SORCS1: variants seen among roughly 807,000 people sequenced by gnomAD.
SORCS1 encodes the protein VPS10 domain-containing receptor SorCS1.
SORCS1 carries 60 observed loss-of-function variants against 146.1 expected under a neutral mutation model. The observed-to-expected ratio is 0.41, with a 90% confidence interval of 0.33 to 0.51. The LOEUF (loss-of-function observed/expected upper bound fraction) is 0.51. SORCS1 is among the 20% of genes least tolerant of loss of function. The probability of loss-of-function intolerance (pLI) is 0.21; values close to 1 mark genes in which losing one functional copy is unlikely to be tolerated. For synonymous variants in SORCS1, 637 were observed against 584.0 expected, an observed-to-expected ratio of 1.09 and a Z score of -1.31; for missense variants, 1,352 against 1,487.6, an observed-to-expected ratio of 0.91 and a Z score of 1.50.
At chr10:107,017,885 T>C (rs933945094) in intron 1 of SORCS1, among the ~76,000 whole-genome samples, 11 of 152,166 alleles carry the variant, frequency 7.2e-5, no homozygotes, top group East Asian at 3.9e-4. Flanking sequence ...AGGCTAGTCT[T>C]GAACTCCTGA....
intron 21 of SORCS1, among the ~76,000 whole-genome samples, chr10:106,614,431 T>C (rs1847217818): frequency 6.6e-6 from 1 of 152,202 alleles, no homozygotes; most frequent in Admixed American, 6.5e-5. Flanking sequence ...TTCGTGGCAG[T>C]TAATATATTC....
chr10:106,611,640 GTCC>G (rs1179016792), intron 22 of SORCS1, among the ~76,000 whole-genome samples: 3 of 152,162 alleles, frequency 2.0e-5, no homozygotes, highest in African/African-American at 4.8e-5. Flanking sequence ...GGATGTACTT[GTCC>G]TCCTTCTCTA....
At chr10:106,760,635 C>A (rs1331705488) in intron 5 of SORCS1, among the ~76,000 whole-genome samples, 1 of 151,734 alleles carries the variant, frequency 6.6e-6, no homozygotes, top group East Asian at 1.9e-4. Context: ...TTGTTTAAGC[C>A]ACCCAGTCTA....
intron 2 of SORCS1, among the ~76,000 whole-genome samples, chr10:106,873,041 G>A (rs541136916): frequency 6.6e-6 from 1 of 152,222 alleles, no homozygotes; most frequent in Admixed American, 6.5e-5. Flanking sequence ...AGGCGTGGTG[G>A]CAAGCACCTG....
chr10:106,715,521 C>T (rs138876802), intron 6 of SORCS1, among the ~76,000 whole-genome samples: 234 of 152,346 alleles, frequency 1.5e-3, no homozygotes, highest in African/African-American at 5.2e-3. Context: ...CACTCCACGT[C>T]TCCAAACGCT....
chr10:106,728,571 C>CA (rs1258149059), intron 6 of SORCS1, among the ~76,000 whole-genome samples: 5 of 152,178 alleles, frequency 3.3e-5, no homozygotes, highest in African/African-American at 1.2e-4. Flanking sequence ...TTCACTCCCC[C>CA]AAAAGGGAAA....
intron 1 of SORCS1, among the ~76,000 whole-genome samples, chr10:107,053,913 G>T (rs777873512): frequency 1.3e-5 from 2 of 152,034 alleles, no homozygotes; most frequent in Non-Finnish European, 2.9e-5. Flanking sequence ...TCCCTATGGG[G>T]GTAAAATCAC....
At chr10:106,733,452 CT>C (rs1447177262) in intron 5 of SORCS1, among the ~76,000 whole-genome samples, 1 of 152,182 alleles carries the variant, frequency 6.6e-6, no homozygotes, top group Non-Finnish European at 1.5e-5. Flanking sequence ...TGCTGAATGT[CT>C]GTATAAGTGC....
chr10:106,721,195 T>C (rs746887298), intron 6 of SORCS1, among the ~76,000 whole-genome samples: 1 of 152,024 alleles, frequency 6.6e-6, no homozygotes, highest in African/African-American at 2.4e-5. Flanking sequence ...GTGGTAAGGA[T>C]CTGTTAGAAT....
At chr10:106,669,329 G>A (rs1195309177) in intron 16 of SORCS1, among the ~76,000 whole-genome samples, 1 of 151,882 alleles carries the variant, frequency 6.6e-6, no homozygotes, top group Admixed American at 6.6e-5. Context: ...GTTTCAAGGA[G>A]AAATCAGGAC....
At chr10:107,078,931 T>C (rs1349671092) in intron 1 of SORCS1, among the ~76,000 whole-genome samples, 2 of 152,174 alleles carry the variant, frequency 1.3e-5, no homozygotes, top group Non-Finnish European at 2.9e-5. Flanking sequence ...TGCTTAAAAA[T>C]GGTGTTGAGA....
chr10:107,069,398 G>A (rs530282697), intron 1 of SORCS1, among the ~76,000 whole-genome samples: 14 of 150,422 alleles, frequency 9.3e-5, no homozygotes, highest in East Asian at 3.9e-4. Context: ...TTTTTTAGAC[G>A]GAGTTTCACT....
intron 2 of SORCS1, among the ~76,000 whole-genome samples, chr10:106,839,038 C>T (rs1948909194): frequency 6.6e-6 from 1 of 152,116 alleles, no homozygotes; most frequent in Non-Finnish European, 1.5e-5. Flanking sequence ...TTTCTTTCCT[C>T]CCACCCCTCA....
rs1336977 is a variant in SORCS1 at position 107,099,247 on chromosome 10, T to C, written c.558+64722A>G. Among the ~76,000 whole-genome samples the C allele has an allele frequency of 5.9e-3, 893 of 152,342 alleles. 12 individuals carry two copies. The highest frequency in any genetic ancestry group is 0.02 in the African/African-American group (845 of 41,570). ...TTCTTTCTCTATTAACTACATAGTA[T>C]ATGATATATCTCTCTTTATGTTAAC... On this transcript the variant is annotated intron_variant, in intron 1 of 25. Transcript: ENST00000263054.
chr10:107,103,434 T>C (rs549242335), intron 1 of SORCS1, among the ~76,000 whole-genome samples: 1 of 152,298 alleles, frequency 6.6e-6, no homozygotes, highest in African/African-American at 2.4e-5. Flanking sequence ...CCCTGTGAAA[T>C]TCACAAAGCA....
At chr10:106,937,153 A>G (rs1953763654) in intron 2 of SORCS1, among the ~76,000 whole-genome samples, 1 of 148,376 alleles carries the variant, frequency 6.7e-6, no homozygotes, top group Non-Finnish European at 1.5e-5. Context: ...GTTATAGTGA[A>G]TAAGTCTCAG....
intron 9 of SORCS1, among the ~76,000 whole-genome samples, chr10:106,690,485 C>A (rs187917056): frequency 6.6e-6 from 1 of 152,316 alleles, no homozygotes; most frequent in African/African-American, 2.4e-5. Context: ...CAGGGTTATA[C>A]ATGTTTGGGA....
intron 1 of SORCS1, among the ~76,000 whole-genome samples, chr10:107,102,296 G>A (rs1001046171): frequency 1.8e-4 from 28 of 152,128 alleles, no homozygotes; most frequent in African/African-American, 3.6e-4. Flanking sequence ...GAAGGAAAAC[G>A]TATGGCCCTT....
chr10:106,642,248 C>T (rs1446131703), intron 18 of SORCS1, among the ~76,000 whole-genome samples: 1 of 152,164 alleles, frequency 6.6e-6, no homozygotes, highest in African/African-American at 2.4e-5. Flanking sequence ...GATAGAGGCA[C>T]AAGCTCTGGT....
Sources: gnomAD v4.1 joint callset for allele counts (sites outside exome capture counted in the v4.1 genomes callset) on GRCh38, gnomAD v4.1.1 for gene constraint, MANE v1.5 for transcripts, NCBI Gene and HGNC (gene_info 2026-07-23, HGNC 2026-07-21) for gene names.